Variants in HSD17B4 observed in about 807,000 individuals in gnomAD.
The protein encoded by HSD17B4 is peroxisomal multifunctional enzyme type 2.
Under a neutral mutation model 101.0 loss-of-function variants are expected in HSD17B4, and 70 were observed. The observed-to-expected ratio is 0.69, with a 90% confidence interval of 0.57 to 0.85. HSD17B4 has a LOEUF of 0.85. HSD17B4 is among the 40% of genes least tolerant of loss of function. HSD17B4 has a pLI of 0.00. For missense variants in HSD17B4, 984 were observed against 892.4 expected (o/e 1.10, Z -1.31); for synonymous variants, 347 against 297.1 (o/e 1.17, Z -1.73).
At chr5:119,496,833 C>T (rs1002695902) in intron 12 of HSD17B4, among the ~76,000 whole-genome samples, 187 bp downstream of exon 12, 3 of 152,130 alleles carry the variant, frequency 2.0e-5, no homozygotes, top group Non-Finnish European at 4.4e-5. Flanking sequence ...ATTCAGGAAT[C>T]GTTTATGATT....
intron 8 of HSD17B4, among the ~76,000 whole-genome samples, chr5:119,481,327 CTGTT>C (rs1314828367): frequency 2.0e-5 from 3 of 152,204 alleles, no homozygotes; most frequent in African/African-American, 7.2e-5. Flanking sequence ...GCCGGTCTCT[CTGTT>C]TGGGGTCCCT....
intron 6 of HSD17B4, chr5:119,476,316 G>A (rs1748575297): frequency 1.3e-5 from 2 of 155,160 alleles, no homozygotes; most frequent in South Asian, 2.0e-4. Flanking sequence ...ATATAATTTT[G>A]AAGCTTCTAG....
chr5:119,482,971 C>G (rs571722822), intron 8 of HSD17B4, among the ~76,000 whole-genome samples: 12 of 151,782 alleles, frequency 7.9e-5, no homozygotes, highest in African/African-American at 2.9e-4. Context: ...ACTGTCTAAT[C>G]ACTCTTCCCC....
In HSD17B4 at chr5:119,453,920, T is replaced by C. The variant is rs921503488; in HGVS notation, c.58+1287T>C. The stretch of plus-strand genomic sequence containing the variant: ...TCTTGGATAATTTTCATGCAGGAGG[T>C]CCAGGGATTACATTCTAAGACGTTT... On this transcript the variant is annotated intron_variant, in intron 1 of 23. Coordinates refer to ENST00000510025, the MANE Select transcript of HSD17B4 (RefSeq NM_000414.4). Among the ~76,000 whole-genome samples, 5 of 152,298 alleles carry C rather than the reference T, an allele frequency of 3.3e-5. No individual in the cohort carries two copies. The East Asian group carries it at 9.6e-4, about 29-fold the overall frequency.
chr5:119,499,810 T>C (rs1282961302), intron 13 of HSD17B4, among the ~76,000 whole-genome samples: 1 of 152,174 alleles, frequency 6.6e-6, no homozygotes, highest in Non-Finnish European at 1.5e-5. Context: ...ATTCTCTCTC[T>C]GCCATTTACT....
At chr5:119,507,932 T>G (rs1273743130) in intron 15 of HSD17B4, among the ~76,000 whole-genome samples, 2 of 152,120 alleles carry the variant, frequency 1.3e-5, no homozygotes, top group Non-Finnish European at 2.9e-5. Context: ...AGTATAAAGT[T>G]TGACATTATT....
Position 119,478,802 on chromosome 5 carries a change from A to G in HSD17B4, c.435-32A>G, listed in dbSNP as rs1748840322. 4 of 1,569,314 alleles carry G rather than the reference A, an allele frequency of 2.5e-6. No homozygotes were observed. In the South Asian group the frequency reaches 4.4e-5, roughly 17 times the overall value. On this transcript the variant is annotated intron_variant, in intron 7 of 23. Coordinates refer to ENST00000510025, the MANE Select transcript of HSD17B4 (RefSeq NM_000414.4). ...TTGCAATGTTATCAAATTATGGAAA[A>G]GATGATATTGAGAGATTGATTTTCT... is the stretch of plus-strand genomic sequence containing the variant.
intron 18 of HSD17B4, 24 bp from the exon 19 acceptor site, chr5:119,525,893 A>G (rs1328781836): frequency 7.4e-7 from 1 of 1,344,156 alleles, no homozygotes; most frequent in Non-Finnish European, 1.1e-6. Context: ...CCTGTATCTA[A>G]CTCAGTGTTC....
intron 8 of HSD17B4, among the ~76,000 whole-genome samples, chr5:119,482,501 A>ACATG: frequency 6.6e-6 from 1 of 152,134 alleles, no homozygotes; most frequent in East Asian, 1.9e-4. Context: ...TTGCCTTTTA[A>ACATG]CATGGGTTGC....
chr5:119,478,985 G>GCGGGATCA lies in HSD17B4; in HGVS notation c.590_597dup (p.Met200AspfsTer4), dbSNP rs2126703106. On this transcript the variant is annotated frameshift_variant, in exon 8 of 24. Coordinates refer to ENST00000510025, the MANE Select transcript of HSD17B4 (RefSeq NM_000414.4). LOFTEE classifies it high-confidence loss of function. ...TCATTGTAACACCATTGCTCCTAAT[G>GCGGGATCA]CGGGATCACGGATGACTCAGACAGT... is the stretch of plus-strand genomic sequence containing the variant. The GCGGGATCA allele has an allele frequency of 4.3e-6, 7 of 1,613,646 alleles. No individual in the cohort carries two copies. Among genetic ancestry groups the GCGGGATCA allele is most frequent in the Non-Finnish European group, 5.9e-6 (7 of 1,179,670 alleles).
intron 16 of HSD17B4, among the ~76,000 whole-genome samples, chr5:119,512,133 G>A (rs1033702796): frequency 6.6e-6 from 1 of 152,086 alleles, no homozygotes; most frequent in African/African-American, 2.4e-5. Flanking sequence ...AAAGCTTAAA[G>A]ATAGATTGAT....
chr5:119,463,367 A>G (rs913498960), intron 2 of HSD17B4, among the ~76,000 whole-genome samples: 3 of 152,166 alleles, frequency 2.0e-5, no homozygotes, highest in African/African-American at 2.4e-5. Context: ...TTTGGGTTAT[A>G]TATACCCAGC....
At chr5:119,512,499 G>A (rs1235152986) in intron 16 of HSD17B4, among the ~76,000 whole-genome samples, 1 of 151,694 alleles carries the variant, frequency 6.6e-6, no homozygotes, top group Non-Finnish European at 1.5e-5. Flanking sequence ...GCTGACCTCT[G>A]ACTTCTCATC....
At position 119,489,772 on chromosome 5, in the gene HSD17B4, CTT is replaced by C. The variant is rs1046740987; in HGVS notation, c.714+490_714+491del. 2.4e-4 allele frequency among the ~76,000 whole-genome samples: 36 copies of C among 152,034 alleles called. 1 individual carries two copies. Among genetic ancestry groups the C allele is most frequent in the African/African-American group, 8.7e-4 (36 of 41,408 alleles). ...ATTATCAGTATAGCAGGAATTTAATCTTGTGTGATAGGTCAATAAATATAACA... is the reference window on the plus strand; with the variant it reads ...ATTATCAGTATAGCAGGAATTTAATCGTGTGATAGGTCAATAAATATAACA... On this transcript the variant is annotated intron_variant, in intron 9 of 23. Coordinates refer to ENST00000510025, the MANE Select transcript of HSD17B4 (RefSeq NM_000414.4).
intron 2 of HSD17B4, among the ~76,000 whole-genome samples, chr5:119,463,496 T>C (rs1755471868): frequency 6.6e-6 from 1 of 151,580 alleles, no homozygotes; most frequent in African/African-American, 2.4e-5. Context: ...AGTTTCATTT[T>C]CTTCACATTT....
intron 1 of HSD17B4, among the ~76,000 whole-genome samples, chr5:119,455,484 T>C (rs1028713385): frequency 2.0e-5 from 3 of 151,014 alleles, no homozygotes; most frequent in African/African-American, 7.3e-5. Context: ...GCCACTGCAC[T>C]CCAGCCTGGG....
At chr5:119,526,594 A>G (rs115118629) in intron 19 of HSD17B4, among the ~76,000 whole-genome samples, 1,853 of 152,136 alleles carry the variant, frequency 0.012, 15 homozygotes, top group African/African-American at 0.023. Flanking sequence ...CTTTTAATTT[A>G]TCCTCCATGC....
chr5:119,511,983 A>T (rs527238091), intron 16 of HSD17B4, among the ~76,000 whole-genome samples: 5 of 152,326 alleles, frequency 3.3e-5, no homozygotes, highest in African/African-American at 1.2e-4. Flanking sequence ...ACTAAAGGAA[A>T]CCATGCTTAA....
Position 119,489,185 on chromosome 5 carries a change from A to G in HSD17B4, c.623-7A>G. On this transcript the variant is annotated splice_region_variant and splice_polypyrimidine_tract_variant and intron_variant, in intron 8 of 23. Transcript: ENST00000510025. ...TTGATAAGATATGTGTATATTCTTT[A>G]TTTCAGATCTTGTGGAAGCCCTGAA... 6.4e-7 allele frequency: 1 copy of G among 1,573,278 alleles called. No homozygotes were observed. Among genetic ancestry groups the G allele is most frequent in the South Asian group, 1.1e-5 (1 of 90,252 alleles).
Sources: allele counts gnomAD v4.1 joint callset (sites outside exome capture counted in the v4.1 genomes callset), GRCh38; gene constraint gnomAD v4.1.1; transcripts MANE v1.5; gene names NCBI Gene and HGNC (gene_info 2026-07-23, HGNC 2026-07-21).